RPA3: variants seen among roughly 807,000 people sequenced by gnomAD.
The protein encoded by RPA3 is replication protein A 14 kDa subunit.
RPA3 carries 24 observed loss-of-function variants against 13.7 expected under a neutral mutation model. The observed-to-expected ratio is 1.75, with a 90% confidence interval of 1.27 to 2.46. The LOEUF (loss-of-function observed/expected upper bound fraction) is 2.46, where lower values mean the gene tolerates loss of function less well. Among genes scored for constraint, RPA3 ranks in the 30% most tolerant of loss-of-function variants. RPA3 has a pLI of 0.00. For synonymous variants in RPA3, 59 were observed against 51.2 expected, an observed-to-expected ratio of 1.15 and a Z score of -0.65; for missense variants, 183 against 151.0, an observed-to-expected ratio of 1.21 and a Z score of -1.11.
At chr7:7,669,484 G>T (rs1030083422) in intron 4 of RPA3, among the ~76,000 whole-genome samples, 1 of 152,166 alleles carries the variant, frequency 6.6e-6, no homozygotes, top group Non-Finnish European at 1.5e-5. Context: ...AGAATATCAT[G>T]GGATTAAGAT....
chr7:7,696,660 TCA>T (rs1445569983), intron 2 of RPA3, among the ~76,000 whole-genome samples: 1 of 152,130 alleles, frequency 6.6e-6, no homozygotes, highest in Non-Finnish European at 1.5e-5. Flanking sequence ...AACAAATGAC[TCA>T]CATGCTCAAG....
intron 4 of RPA3, chr7:7,673,497 T>C: frequency 1.5e-6 from 1 of 688,228 alleles, no homozygotes; most frequent in Non-Finnish European, 2.6e-6. Context: ...AATTATGTTC[T>C]CTTTAAAAAA....
At chr7:7,705,171 G>C (rs932412716) in intron 2 of RPA3, among the ~76,000 whole-genome samples, 3 of 152,110 alleles carry the variant, frequency 2.0e-5, no homozygotes, top group Non-Finnish European at 2.9e-5. Context: ...TCTCAACTTA[G>C]GAATCTTGTT....
intron 2 of RPA3, among the ~76,000 whole-genome samples, chr7:7,709,454 G>A (rs894538266): frequency 1.3e-5 from 2 of 152,224 alleles, no homozygotes; most frequent in Non-Finnish European, 2.9e-5. Context: ...GCCACCCGAG[G>A]AGGGCAGAAT....
At chr7:7,644,686 T>C (rs1035425984) in intron 4 of RPA3, among the ~76,000 whole-genome samples, 1 of 152,216 alleles carries the variant, frequency 6.6e-6, no homozygotes, top group Non-Finnish European at 1.5e-5. Flanking sequence ...GTGGAGTCAA[T>C]TCTATTCTAT....
intron 2 of RPA3, among the ~76,000 whole-genome samples, chr7:7,702,460 A>G (rs1780483600): frequency 6.6e-6 from 1 of 152,194 alleles, no homozygotes; most frequent in Admixed American, 6.6e-5. Flanking sequence ...GAGGCAGGAA[A>G]CCTGGCTTTC....
chr7:7,678,401 C>G (rs1199707114), intron 4 of RPA3, among the ~76,000 whole-genome samples: 1 of 141,238 alleles, frequency 7.1e-6, no homozygotes, highest in African/African-American at 2.6e-5. Context: ...AATAGCTATT[C>G]AGATATATAA....
chr7:7,649,169 A>G (rs1408568772), intron 4 of RPA3, among the ~76,000 whole-genome samples: 2 of 140,782 alleles, frequency 1.4e-5, no homozygotes, highest in Non-Finnish European at 3.0e-5. Context: ...AAAAAAAAAA[A>G]AAAAAAAAAA....
chr7:7,687,383 C>T (rs28912732), intron 2 of RPA3, 55 bp from the exon 3 acceptor site: 12,156 of 152,240 alleles, frequency 0.08, 501 homozygotes, highest in Admixed American at 0.11. Flanking sequence ...TGACCCTGGG[C>T]AGTTCAGTGA....
intron 4 of RPA3, among the ~76,000 whole-genome samples, chr7:7,680,284 C>T (rs1387603997): frequency 6.6e-6 from 1 of 152,056 alleles, no homozygotes; most frequent in African/African-American, 2.4e-5. Context: ...CCCAGCACCA[C>T]TGATTCAAGA....
At position 7,640,647 on chromosome 7, in the gene RPA3, G is replaced by C; in HGVS notation, c.-229C>G. ...GAGATTGGCTGCTTAGTGACGCGCG[G>C]CGTCCCGGAAGTTGACAGATACAGG... On this transcript the variant is annotated 5_prime_UTR_variant, in exon 5 of 8. Transcript: ENST00000223129. 1 of 542,576 alleles carries C rather than the reference G, an allele frequency of 1.8e-6. No individual in the cohort carries two copies. The highest frequency in any genetic ancestry group is 3.3e-6 in the Non-Finnish European group (1 of 303,992). The allele number at this position is 542,576 out of a possible 1,614,324, so 33.6% of individuals were successfully genotyped here.
intron 4 of RPA3, among the ~76,000 whole-genome samples, chr7:7,663,889 C>G (rs1727121923): frequency 6.6e-6 from 1 of 152,126 alleles, no homozygotes; most frequent in Non-Finnish European, 1.5e-5. Context: ...TCAAAACAAG[C>G]AAAGGTGGGA....
chr7:7,707,574 T>C (rs1360559131), intron 2 of RPA3, among the ~76,000 whole-genome samples: 1 of 152,188 alleles, frequency 6.6e-6, no homozygotes, highest in Non-Finnish European at 1.5e-5. Flanking sequence ...TCACTACTTA[T>C]TAAGTAGAAT....
intron 2 of RPA3, among the ~76,000 whole-genome samples, chr7:7,698,615 T>C (rs1284991928): frequency 6.6e-6 from 1 of 152,156 alleles, no homozygotes; most frequent in Non-Finnish European, 1.5e-5. Context: ...GATTCCACAG[T>C]TTTGACTATC....
intron 4 of RPA3, among the ~76,000 whole-genome samples, chr7:7,650,338 G>A (rs1785196782): frequency 6.6e-6 from 1 of 152,102 alleles, no homozygotes; most frequent in African/African-American, 2.4e-5. Context: ...TTTTCTGAGT[G>A]TTTATTTCAT....
At chr7:7,642,741 G>A (rs563064681) in intron 4 of RPA3, among the ~76,000 whole-genome samples, 2 of 152,238 alleles carry the variant, frequency 1.3e-5, no homozygotes, top group South Asian at 4.1e-4. Flanking sequence ...CTGAAGAAAT[G>A]GAACTTTACC....
At chr7:7,673,863 T>C (rs1334695154) in intron 4 of RPA3, among the ~76,000 whole-genome samples, 1 of 152,210 alleles carries the variant, frequency 6.6e-6, no homozygotes, top group Non-Finnish European at 1.5e-5. Context: ...AAGTAGACTT[T>C]AAAATCTAAA....
At chr7:7,691,235 G>C (rs895776973) in intron 2 of RPA3, among the ~76,000 whole-genome samples, 1 of 152,102 alleles carries the variant, frequency 6.6e-6, no homozygotes, top group African/African-American at 2.4e-5. Context: ...CAAGTATTAG[G>C]CAGGTAAAAT....
At chr7:7,713,131 G>T (rs752014604) in intron 2 of RPA3, among the ~76,000 whole-genome samples, 1 of 151,898 alleles carries the variant, frequency 6.6e-6, no homozygotes, top group Non-Finnish European at 1.5e-5. Flanking sequence ...AAGGTCAGGA[G>T]ATTGAGACCA....
Sources: allele counts gnomAD v4.1 joint callset (sites outside exome capture counted in the v4.1 genomes callset), GRCh38; gene constraint gnomAD v4.1.1; transcripts MANE v1.5; gene names NCBI Gene and HGNC (gene_info 2026-07-23, HGNC 2026-07-21).